The following PTPRZ1 variants were observed in gnomAD, a reference collection of about 807,000 sequenced individuals.
The protein encoded by PTPRZ1 is protein tyrosine phosphatase receptor type Z1, also known as receptor-type tyrosine-protein phosphatase zeta.
PTPRZ1 carries 82 observed loss-of-function variants against 214.1 expected under a neutral mutation model. The observed-to-expected ratio is 0.38, with a 90% CI of 0.32 to 0.46. The LOEUF is 0.46. Ranked by LOEUF, PTPRZ1 falls within the 20% of genes least tolerant of loss-of-function variation. The pLI, the probability that PTPRZ1 is intolerant of heterozygous loss-of-function variation, is 1.00. For missense variants in PTPRZ1, 2,603 were observed against 2,748.7 expected (o/e 0.95, Z 1.19); for synonymous variants, 945 against 987.9 (o/e 0.96, Z 0.81).
intron 3 of PTPRZ1, among the ~76,000 whole-genome samples, chr7:121,970,630 C>A (rs939791082): frequency 3.9e-5 from 6 of 152,130 alleles, no homozygotes; most frequent in African/African-American, 1.2e-4. Context: ...ATATCCTTTG[C>A]CCACTTTTTG....
chr7:121,926,454 T>TG (rs1795766991), intron 1 of PTPRZ1, among the ~76,000 whole-genome samples: 1 of 152,162 alleles, frequency 6.6e-6, no homozygotes, highest in South Asian at 2.1e-4. Context: ...TATGATAGAA[T>TG]ATTCTTGGAC....
chr7:121,949,064 C>A (rs894075810), intron 2 of PTPRZ1, among the ~76,000 whole-genome samples: 1 of 152,012 alleles, frequency 6.6e-6, no homozygotes, highest in Non-Finnish European at 1.5e-5. Flanking sequence ...TCTAGGGAGA[C>A]ATAGGACATC....
At chr7:121,883,928 C>T (rs1161418329) in intron 1 of PTPRZ1, among the ~76,000 whole-genome samples, 1 of 152,100 alleles carries the variant, frequency 6.6e-6, no homozygotes, top group Non-Finnish European at 1.5e-5. Flanking sequence ...GCCTGGCTAG[C>T]TTTTTCTTTA....
intron 13 of PTPRZ1, among the ~76,000 whole-genome samples, chr7:122,020,921 C>T (rs1798997818): frequency 6.6e-6 from 1 of 151,926 alleles, no homozygotes; most frequent in Non-Finnish European, 1.5e-5. Flanking sequence ...ATAAATATTG[C>T]TTTTCTCCCC....
intron 8 of PTPRZ1, among the ~76,000 whole-genome samples, chr7:121,994,336 C>T (rs1441310396): frequency 2.0e-5 from 2 of 101,658 alleles, no homozygotes; most frequent in African/African-American, 3.7e-5. Flanking sequence ...GCTCTGTTGC[C>T]CCGGCTGGAG....
intron 1 of PTPRZ1, among the ~76,000 whole-genome samples, chr7:121,910,290 C>T (rs577236153): frequency 2.6e-5 from 4 of 152,318 alleles, no homozygotes; most frequent in South Asian, 4.1e-4. Flanking sequence ...AAAATTGCAC[C>T]TGCTCATGCA....
At chr7:121,911,366 T>G (rs752479137) in intron 1 of PTPRZ1, among the ~76,000 whole-genome samples, 2 of 152,142 alleles carry the variant, frequency 1.3e-5, no homozygotes, top group East Asian at 3.8e-4. Context: ...GACTGTATAT[T>G]TGAAAATACT....
intron 4 of PTPRZ1, among the ~76,000 whole-genome samples, chr7:121,975,566 C>T (rs1189087826): frequency 3.9e-5 from 6 of 152,196 alleles, no homozygotes; most frequent in African/African-American, 1.2e-4. Flanking sequence ...AGGCTTCCTA[C>T]TCTTACCTTA....
chr7:122,001,843 C>G (rs966495398), intron 10 of PTPRZ1, among the ~76,000 whole-genome samples: 22 of 152,102 alleles, frequency 1.4e-4, no homozygotes, highest in African/African-American at 5.3e-4. Context: ...TCACTCAAAA[C>G]AAAAAATACT....
chr7:122,051,408 T>C lies in PTPRZ1; in HGVS notation c.6085-20T>C, dbSNP rs969628107. On this transcript the variant is annotated intron_variant, in intron 23 of 29. Transcript: ENST00000393386. ...GACTTAAATGAAATAACCTATATAT[T>C]TTTTTACTTTCTTGCCCAGCTCCTG... 1.9e-6 allele frequency: 3 copies of C among 1,592,044 alleles called. No individual in the cohort carries two copies. The highest frequency in any genetic ancestry group is 1.1e-5 in the South Asian group (1 of 90,194).
intron 10 of PTPRZ1, among the ~76,000 whole-genome samples, chr7:121,998,219 T>C (rs1798206312): frequency 1.3e-5 from 2 of 152,196 alleles, no homozygotes; most frequent in Non-Finnish European, 2.9e-5. Flanking sequence ...ATCCTTAATA[T>C]TGGAGTTTAC....
At chr7:121,922,510 G>A (rs1339536415) in intron 1 of PTPRZ1, among the ~76,000 whole-genome samples, 1 of 152,160 alleles carries the variant, frequency 6.6e-6, no homozygotes, top group African/African-American at 2.4e-5. Context: ...GAGGTGCAGA[G>A]GTTGCAGTAA....
intron 4 of PTPRZ1, among the ~76,000 whole-genome samples, chr7:121,973,235 A>G (rs979652823): frequency 1.3e-5 from 2 of 152,120 alleles, no homozygotes; most frequent in South Asian, 2.1e-4. Flanking sequence ...TATTTAAAAT[A>G]TAATATTGAA....
chr7:121,909,837 G>A lies in PTPRZ1; in HGVS notation c.59-18319G>A, dbSNP rs1795218891. Among the ~76,000 whole-genome samples, 4 of 152,298 alleles carry A rather than the reference G, an allele frequency of 2.6e-5. No homozygotes were observed. The South Asian group carries it at 8.3e-4, about 32-fold the overall frequency. ...TAAATTACAGAAGAGATAGCTGAAAGAATTGAAAATGTGACCTGTGGGACA... is the reference window on the plus strand; with the variant it reads ...TAAATTACAGAAGAGATAGCTGAAAAAATTGAAAATGTGACCTGTGGGACA... On this transcript the variant is annotated intron_variant, in intron 1 of 29. Transcript: ENST00000393386.
chr7:122,061,380 G>A lies in PTPRZ1; in HGVS notation c.*160G>A. 1.9e-6 allele frequency: 1 copy of A among 535,198 alleles called. No homozygotes were observed. Among genetic ancestry groups the A allele is most frequent in the Non-Finnish European group, 2.9e-6 (1 of 347,664 alleles). 33.2% of individuals were successfully genotyped at this position (535,198 alleles called of 1,614,324 possible). ...CCGCCAAATTTATATCATTAACAATGTGTGCCTTTTTGCAAGACTTGTAAT... is the reference window on the plus strand; with the variant it reads ...CCGCCAAATTTATATCATTAACAATATGTGCCTTTTTGCAAGACTTGTAAT... On this transcript the variant is annotated 3_prime_UTR_variant, in exon 30 of 30. Transcript: ENST00000393386.
chr7:122,017,364 G>A (rs953468509), intron 12 of PTPRZ1, among the ~76,000 whole-genome samples: 1 of 151,986 alleles, frequency 6.6e-6, no homozygotes, highest in African/African-American at 2.4e-5. Context: ...TTTCTCACAA[G>A]AATATTAGCT....
At chr7:121,920,161 G>T (rs1008423143) in intron 1 of PTPRZ1, among the ~76,000 whole-genome samples, 2 of 152,020 alleles carry the variant, frequency 1.3e-5, no homozygotes, top group African/African-American at 4.8e-5. Context: ...CCTCTAATTG[G>T]TTATTTGAGT....
In PTPRZ1 at chr7:122,053,995, A is replaced by G. The variant is rs530492628; in HGVS notation, c.6338A>G (p.His2113Arg). The G allele has an allele frequency of 9.3e-6, 15 of 1,613,358 alleles. No homozygotes were observed. In the East Asian group the frequency reaches 2.7e-4, roughly 29 times the overall value. The change falls in exon 26 of 30, where the codon CAT becomes CGT. Residue 2113 changes from histidine (H) to arginine (R), a missense_variant. Coordinates refer to ENST00000393386, the MANE Select transcript of PTPRZ1 (RefSeq NM_002851.3). ...GATTTCTGGAGGATGATATGGGACC[A>G]TAATGCCCAACTGGTGGTTATGATT... ...IKDFWRMIWD[H>R]NAQLVVMIPD...
At chr7:121,978,970 C>G (rs1022580153) in intron 6 of PTPRZ1, among the ~76,000 whole-genome samples, 2 of 152,064 alleles carry the variant, frequency 1.3e-5, no homozygotes, top group African/African-American at 4.8e-5. Context: ...CTGCTGGCAA[C>G]CTTGAGGATC....
Sources: gnomAD v4.1 joint callset for allele counts (sites outside exome capture counted in the v4.1 genomes callset) on GRCh38, gnomAD v4.1.1 for gene constraint, MANE v1.5 for transcripts, NCBI Gene and HGNC (gene_info 2026-07-23, HGNC 2026-07-21) for gene names.